Variants in CREB5 observed in about 807,000 individuals in gnomAD.
CREB5 encodes cAMP responsive element binding protein 5.
CREB5 carries 19 observed loss-of-function variants against 57.1 expected under a neutral mutation model. The ratio of observed to expected loss-of-function variants is 0.33; its 90% CI spans 0.23 to 0.49. The LOEUF (loss-of-function observed/expected upper bound fraction) is 0.49. CREB5 is among the 20% of genes least tolerant of loss of function. CREB5 has a pLI of 0.99. For missense variants in CREB5, 579 were observed against 671.6 expected (o/e 0.86, Z 1.52); for synonymous variants, 238 against 238.3 (o/e 1.00, Z 0.01).
chr7:28,688,899 C>T (rs1367059608), intron 5 of CREB5, among the ~76,000 whole-genome samples: 7 of 152,138 alleles, frequency 4.6e-5, no homozygotes, highest in Admixed American at 2.0e-4. Flanking sequence ...GACTTGGCTC[C>T]GAATTGTTCA....
chr7:28,696,202 C>G (rs1466910609), intron 5 of CREB5, among the ~76,000 whole-genome samples: 1 of 151,328 alleles, frequency 6.6e-6, no homozygotes, highest in Non-Finnish European at 1.5e-5. Flanking sequence ...TATTGTGCCT[C>G]CCGACCTTGA....
intron 5 of CREB5, among the ~76,000 whole-genome samples, chr7:28,689,084 G>A (rs143206928): frequency 6.6e-6 from 1 of 152,142 alleles, no homozygotes; most frequent in African/African-American, 2.4e-5. Flanking sequence ...ACTGTTTGAC[G>A]ACTATTTTGT....
At chr7:28,521,394 G>GCCTC (rs896099464) in intron 4 of CREB5, among the ~76,000 whole-genome samples, 3 of 152,122 alleles carry the variant, frequency 2.0e-5, no homozygotes, top group Non-Finnish European at 2.9e-5. Flanking sequence ...CCCCAGGCTC[G>GCCTC]CGGAGGTCTG....
rs867027406 is a variant in CREB5, at chr7:28,620,124, T to C, written c.464+49587T>C. On this transcript the variant is annotated intron_variant, in intron 5 of 10. Coordinates refer to ENST00000357727, the MANE Select transcript of CREB5 (RefSeq NM_182898.4). ...CGGTACAATTTTAACTGGGGATATA[T>C]TTAATCTGTATAGATAAGGGAAACA... Among the ~76,000 whole-genome samples the C allele has an allele frequency of 7.2e-5, 11 of 152,346 alleles. No homozygotes were observed. The South Asian group carries it at 2.3e-3, about 32-fold the overall frequency.
chr7:28,689,909 GGTGTGTGTGTGT>G lies in CREB5; in HGVS notation c.465-28817_465-28806del, dbSNP rs34310030. On this transcript the variant is annotated intron_variant, in intron 5 of 10. Transcript: ENST00000357727. ...GAATTCTCCCATTTTACTTGTATTT[GGTGTGTGTGTGT>G]GTGTGTGTGTGTGTGTGTGTGTGTG... Among the ~76,000 whole-genome samples, 261 of 141,666 alleles carry G rather than the reference GGTGTGTGTGTGT, an allele frequency of 1.8e-3. 2 individuals carry two copies. The highest frequency in any genetic ancestry group is 3.2e-3 in the Non-Finnish European group (207 of 65,522). 92.9% of individuals were successfully genotyped at this position (141,666 alleles called of 152,430 possible). A position where few individuals can be genotyped will look rare whatever the true frequency, so the allele number is the denominator to read the frequency against.
chr7:28,768,780 C>T (rs1806147722), intron 7 of CREB5, among the ~76,000 whole-genome samples: 1 of 152,176 alleles, frequency 6.6e-6, no homozygotes, highest in Admixed American at 6.5e-5. Flanking sequence ...ATTGATGATG[C>T]CACTTGAGAA....
chr7:28,615,625 A>G (rs1262717535), intron 5 of CREB5: 1 of 152,378 alleles, frequency 6.6e-6, no homozygotes, highest in Non-Finnish European at 1.5e-5. Context: ...CATGAGCTTA[A>G]TCCACAAAAC....
At chr7:28,389,586 A>C (rs1002892108) in intron 1 of CREB5, among the ~76,000 whole-genome samples, 1 of 151,914 alleles carries the variant, frequency 6.6e-6, no homozygotes, top group African/African-American at 2.4e-5. Flanking sequence ...TTGTGGGTTT[A>C]AAACTTCCTG....
chr7:28,520,304 C>A (rs1793151118), intron 4 of CREB5, among the ~76,000 whole-genome samples: 1 of 152,208 alleles, frequency 6.6e-6, no homozygotes. Context: ...CATCCTCCTG[C>A]CTCAGGCTTT....
Position 28,514,193 on chromosome 7 carries a change from C to A in CREB5, c.291+6456C>A, listed in dbSNP as rs76731557. 9.1e-3 allele frequency among the ~76,000 whole-genome samples: 1,377 copies of A among 152,122 alleles called. 16 individuals carry two copies. The highest frequency in any genetic ancestry group is 0.031 in the African/African-American group (1,274 of 41,476). On this transcript the variant is annotated intron_variant, in intron 4 of 10. Coordinates refer to ENST00000357727, the MANE Select transcript of CREB5 (RefSeq NM_182898.4). The stretch of plus-strand genomic sequence containing the variant: ...AAGAAAAAAAGTATTTTATCTTTTG[C>A]GACTGGGGACTTGATTTTGAGTGCT...
chr7:28,390,436 A>G (rs1343658999), intron 1 of CREB5, among the ~76,000 whole-genome samples: 2 of 152,226 alleles, frequency 1.3e-5, no homozygotes, highest in Non-Finnish European at 2.9e-5. Flanking sequence ...GAAATGAAAT[A>G]TGTTACTGAT....
chr7:28,686,273 C>T, intron 5 of CREB5: 1 of 1,028,764 alleles, frequency 9.7e-7, no homozygotes, highest in Non-Finnish European at 1.5e-6. Flanking sequence ...TGTTTTTGAG[C>T]CTTCGTCCTC....
chr7:28,505,135 G>A (rs1319466673), intron 3 of CREB5, among the ~76,000 whole-genome samples: 1 of 152,210 alleles, frequency 6.6e-6, no homozygotes, highest in Non-Finnish European at 1.5e-5. Flanking sequence ...TATGGTTGGT[G>A]TAAAAACTAA....
At chr7:28,617,657 T>C (rs1443468683) in intron 5 of CREB5, among the ~76,000 whole-genome samples, 1 of 152,200 alleles carries the variant, frequency 6.6e-6, no homozygotes, top group Non-Finnish European at 1.5e-5. Flanking sequence ...AAGGTGCTGT[T>C]CTCCTAGCAC....
At position 28,798,237 on chromosome 7, in the gene CREB5, G is replaced by A. The variant is rs534160125; in HGVS notation, c.703-5962G>A. On this transcript the variant is annotated intron_variant, in intron 7 of 10. Transcript: ENST00000357727. ...AATTTCAATTAACATTTAATAATTC[G>A]GCTCGGCTTTCAGAGTCTATAAAGC... 4.6e-5 allele frequency among the ~76,000 whole-genome samples: 7 copies of A among 152,200 alleles called. No homozygotes were observed. The South Asian group carries it at 6.2e-4, about 14-fold the overall frequency.
chr7:28,775,295 C>A (rs769782110), intron 7 of CREB5, among the ~76,000 whole-genome samples: 3 of 152,012 alleles, frequency 2.0e-5, no homozygotes, highest in Non-Finnish European at 4.4e-5. Flanking sequence ...TCCTAGAAGT[C>A]CTCTCTGATT....
At position 28,480,266 on chromosome 7, in the gene CREB5, G is replaced by A. The variant is rs1177104628; in HGVS notation, c.4-7909G>A. On this transcript the variant is annotated intron_variant, in intron 1 of 10. Coordinates refer to ENST00000357727, the MANE Select transcript of CREB5 (RefSeq NM_182898.4). ...TTTACTGTAGTAGGGCACAAAGGGA[G>A]AAGAGAAAACTATACTGCTGACCTT... Among the ~76,000 whole-genome samples the A allele has an allele frequency of 3.9e-5, 6 of 152,270 alleles. No individual in the cohort carries two copies. The East Asian group carries it at 1.2e-3, about 29-fold the overall frequency.
At chr7:28,757,249 C>T (rs1252457768) in intron 7 of CREB5, among the ~76,000 whole-genome samples, 3 of 152,172 alleles carry the variant, frequency 2.0e-5, no homozygotes, top group East Asian at 3.8e-4. Context: ...ATGGTTTACC[C>T]AAAGTCACAC....
chr7:28,767,659 C>A (rs535086335), intron 7 of CREB5, among the ~76,000 whole-genome samples: 1 of 152,298 alleles, frequency 6.6e-6, no homozygotes, highest in Non-Finnish European at 1.5e-5. Context: ...TCGGCACACA[C>A]CCTTTCTACC....
Sources: allele counts gnomAD v4.1 joint callset (sites outside exome capture counted in the v4.1 genomes callset), GRCh38; gene constraint gnomAD v4.1.1; transcripts MANE v1.5; gene names NCBI Gene and HGNC (gene_info 2026-07-23, HGNC 2026-07-21).